The following LARGE1 variants were observed in gnomAD, a reference collection of about 807,000 sequenced individuals.
The protein encoded by LARGE1 is xylosyl- and glucuronyltransferase LARGE1.
Under a neutral mutation model 87.6 loss-of-function variants are expected in LARGE1, and 43 were observed. The ratio of observed to expected loss-of-function variants is 0.49; its 90% CI spans 0.38 to 0.63. LARGE1 has a LOEUF of 0.63. LARGE1 is among the 30% of genes least tolerant of loss of function. The pLI, the probability that LARGE1 is intolerant of heterozygous loss-of-function variation, is 0.00. For missense variants in LARGE1, 802 were observed against 1,000.2 expected, an observed-to-expected ratio of 0.80 and a Z score of 2.67; for synonymous variants, 434 against 394.6, an observed-to-expected ratio of 1.10 and a Z score of -1.18.
intron 1 of LARGE1, among the ~76,000 whole-genome samples, chr22:33,786,653 A>G (rs1385533576): frequency 6.6e-6 from 1 of 152,106 alleles, no homozygotes; most frequent in Non-Finnish European, 1.5e-5. Flanking sequence ...GGTCTCACTC[A>G]GCTTAATTCT....
At chr22:33,715,478 C>T (rs1028084719) in intron 2 of LARGE1, among the ~76,000 whole-genome samples, 3 of 152,110 alleles carry the variant, frequency 2.0e-5, no homozygotes, top group African/African-American at 4.8e-5. Flanking sequence ...CACTCTCATC[C>T]CCCCACTGCA....
chr22:33,524,604 G>A (rs2071789161), intron 6 of LARGE1, among the ~76,000 whole-genome samples: 1 of 152,010 alleles, frequency 6.6e-6, no homozygotes, highest in Non-Finnish European at 1.5e-5. Flanking sequence ...ACCAGACAAT[G>A]ATTTTCCTCC....
chr22:33,499,183 T>G (rs898105007), intron 6 of LARGE1, among the ~76,000 whole-genome samples: 1 of 152,030 alleles, frequency 6.6e-6, no homozygotes, highest in African/African-American at 2.4e-5. Context: ...AGGGTCAGAG[T>G]GGAACCCAAG....
At chr22:33,621,378 G>A (rs2079748634) in intron 4 of LARGE1, among the ~76,000 whole-genome samples, 1 of 152,126 alleles carries the variant, frequency 6.6e-6, no homozygotes, top group African/African-American at 2.4e-5. Context: ...GCATTAGTGT[G>A]CAAGTGTGTC....
chr22:33,750,588 T>C (rs531424436), intron 2 of LARGE1: 1 of 152,328 alleles, frequency 6.6e-6, no homozygotes. Context: ...AAGGTTTTTT[T>C]TTTTTCCATT....
At chr22:33,104,526 C>A in the LARGE1 span, among the ~76,000 whole-genome samples, 1 of 152,138 alleles carries the variant, frequency 6.6e-6, no homozygotes, top group Non-Finnish European at 1.5e-5. Context: ...GAGTTGGTAG[C>A]TGGAGAGAAC....
chr22:33,183,016 A>C (rs1923256059), intron 11 of LARGE1, among the ~76,000 whole-genome samples: 1 of 152,168 alleles, frequency 6.6e-6, no homozygotes, highest in Admixed American at 6.5e-5. Flanking sequence ...AGTCGACAAA[A>C]TGAAAAGGCA....
At chr22:33,274,664 C>G in intron 14 of LARGE1, 40 bp from the exon 15 acceptor site, 1 of 1,578,376 alleles carries the variant, frequency 6.3e-7, no homozygotes, top group East Asian at 2.2e-5. Context: ...CCGCAAGAGC[C>G]GAGGGTCATG....
At position 33,895,580 on chromosome 22, in the gene LARGE1, G is replaced by A. The variant is rs569368881; in HGVS notation, c.-83+24415C>T. Among the ~76,000 whole-genome samples, 12 of 152,246 alleles carry A rather than the reference G, an allele frequency of 7.9e-5. No individual in the cohort carries two copies. In the South Asian group the frequency reaches 2.5e-3, roughly 32 times the overall value. ...CTGTGCTGGCAGAATTCATTTCCTT[G>A]TGCCTGAGGTCCTTGCCTTCTTGCT... is the stretch of plus-strand genomic sequence containing the variant. On this transcript the variant is annotated intron_variant, in intron 1 of 14. Coordinates refer to ENST00000397394, the MANE Select transcript of LARGE1 (RefSeq NM_133642.5).
At chr22:33,150,896 A>AT in the LARGE1 span, among the ~76,000 whole-genome samples, 2 of 151,648 alleles carry the variant, frequency 1.3e-5, no homozygotes, top group East Asian at 1.9e-4. Flanking sequence ...CATCCGCTTT[A>AT]TTTTTTTTAG....
At chr22:33,112,798 C>G in the LARGE1 span, among the ~76,000 whole-genome samples, 1 of 152,108 alleles carries the variant, frequency 6.6e-6, no homozygotes, top group Admixed American at 6.6e-5. Flanking sequence ...AGCCTGCAAG[C>G]AGCACAGATG....
At chr22:33,575,074 G>A (rs922693096) in intron 5 of LARGE1, among the ~76,000 whole-genome samples, 1 of 152,144 alleles carries the variant, frequency 6.6e-6, no homozygotes, top group Non-Finnish European at 1.5e-5. Context: ...CATTAGATTT[G>A]TGGTAGGGCC....
At chr22:33,249,416 G>A (rs2068422320) in intron 11 of LARGE1, among the ~76,000 whole-genome samples, 1 of 152,118 alleles carries the variant, frequency 6.6e-6, no homozygotes, top group African/African-American at 2.4e-5. Flanking sequence ...AGTGTTAAGT[G>A]TTCTTTTTAT....
Position 33,316,191 on chromosome 22 carries a change from C to T in LARGE1, c.1345G>A (p.Glu449Lys). ...TGGGTGCGGTGGACAGTGAAGCGCT[C>T]TCGCCGGAACTCATAGCACAGGTCG... is the stretch of plus-strand genomic sequence containing the variant. ...EDDLCYEFRR[E>K]RFTVHRTHLY... is the part of the protein sequence containing the mutation. Residue 449 changes from glutamate (E) to lysine (K), a missense_variant, in exon 11 of 15, where the codon GAG (glutamate) becomes AAG (lysine). Transcript: ENST00000397394. 1 of 1,614,078 alleles carries T rather than the reference C, an allele frequency of 6.2e-7. No homozygotes were observed. The highest frequency in any genetic ancestry group is 8.5e-7 in the Non-Finnish European group (1 of 1,179,986).
At chr22:33,872,606 A>T (rs2064329939) in intron 1 of LARGE1, among the ~76,000 whole-genome samples, 2 of 152,026 alleles carry the variant, frequency 1.3e-5, no homozygotes. Context: ...AGTCCCATGG[A>T]ATTTACAGAC....
At chr22:33,556,568 C>A (rs55739058) in intron 6 of LARGE1, among the ~76,000 whole-genome samples, 3 of 44,644 alleles carry the variant, frequency 6.7e-5, no homozygotes, top group African/African-American at 1.5e-4. Flanking sequence ...GGGAGGGAGG[C>A]AGGCAGGCAG....
chr22:33,358,296 C>T (rs2064252943), intron 9 of LARGE1, among the ~76,000 whole-genome samples: 1 of 35,406 alleles, frequency 2.8e-5, no homozygotes. Context: ...CCCCCAAAAC[C>T]AACTGTTTTT....
At chr22:33,582,325 G>T (rs135116) in intron 5 of LARGE1, among the ~76,000 whole-genome samples, 89,256 of 151,850 alleles carry the variant, frequency 0.59, 26,752 homozygotes, top group African/African-American at 0.72. Context: ...TCCTGGTACA[G>T]GAGAGTACAC....
chr22:33,643,130 C>T (rs1208732387), intron 3 of LARGE1, among the ~76,000 whole-genome samples: 4 of 152,090 alleles, frequency 2.6e-5, no homozygotes, highest in African/African-American at 7.2e-5. Flanking sequence ...ATTCTAAAAT[C>T]GACCACATAA....
Sources: gnomAD v4.1 joint callset for allele counts (sites outside exome capture counted in the v4.1 genomes callset) on GRCh38, gnomAD v4.1.1 for gene constraint, MANE v1.5 for transcripts, NCBI Gene and HGNC (gene_info 2026-07-23, HGNC 2026-07-21) for gene names.